SMARCAD1: variants seen among roughly 807,000 people sequenced by gnomAD.
SMARCAD1 encodes SNF2 related chromatin remodeling ATPase with DExD box 1.
A neutral mutation model predicts 127.1 loss-of-function variants in SMARCAD1; 25 were observed. The ratio of observed to expected loss-of-function variants is 0.20; its 90% confidence interval spans 0.14 to 0.27. The LOEUF is 0.27. SMARCAD1 is among the 10% of genes least tolerant of loss of function. The probability of loss-of-function intolerance (pLI) is 1.00; values close to 1 mark genes in which losing one functional copy is unlikely to be tolerated. For synonymous variants in SMARCAD1, 400 were observed against 396.9 expected (o/e 1.01, Z -0.09); for missense variants, 807 against 1,206.0 (o/e 0.67, Z 4.90).
At chr4:94,284,326 CAAAAAA>C (rs1161926658) in intron 22 of SMARCAD1, among the ~76,000 whole-genome samples, 4 of 25,922 alleles carry the variant, frequency 1.5e-4, no homozygotes, top group African/African-American at 2.2e-4. Context: ...GACTCCGTCT[CAAAAAA>C]AAAAAAAAAA....
At chr4:94,262,413 C>T (rs1751129950) in intron 9 of SMARCAD1, among the ~76,000 whole-genome samples, 1 of 152,178 alleles carries the variant, frequency 6.6e-6, no homozygotes, top group Non-Finnish European at 1.5e-5. Context: ...ATCAGTTTCT[C>T]CGTGTCCAAC....
intron 9 of SMARCAD1, among the ~76,000 whole-genome samples, chr4:94,255,379 G>T (rs997022076): frequency 5.3e-5 from 8 of 151,856 alleles, no homozygotes; most frequent in Non-Finnish European, 7.4e-5. Flanking sequence ...TAAAAGTGAG[G>T]TTTCTTTAAC....
chr4:94,242,028 T>C (rs1747659534), intron 6 of SMARCAD1, among the ~76,000 whole-genome samples: 1 of 151,252 alleles, frequency 6.6e-6, no homozygotes, highest in Non-Finnish European at 1.5e-5. Context: ...GGATAACTTC[T>C]TTTTTTTTGT....
chr4:94,256,312 C>T (rs1258222922), intron 9 of SMARCAD1, among the ~76,000 whole-genome samples: 1 of 151,872 alleles, frequency 6.6e-6, no homozygotes, highest in Admixed American at 6.6e-5. Flanking sequence ...ACACTGTGCT[C>T]CTCATTATGT....
At chr4:94,274,403 G>A (rs971192011) in intron 12 of SMARCAD1, among the ~76,000 whole-genome samples, 7 of 152,012 alleles carry the variant, frequency 4.6e-5, no homozygotes, top group South Asian at 4.1e-4. Flanking sequence ...TTGGCTCACC[G>A]CAACCTCCGC....
chr4:94,259,539 A>G (rs554702657), intron 9 of SMARCAD1, among the ~76,000 whole-genome samples: 4 of 152,138 alleles, frequency 2.6e-5, no homozygotes, highest in Non-Finnish European at 4.4e-5. Context: ...AAGGGGTCCT[A>G]AGGAGTTGTT....
chr4:94,281,379 A>G (rs766452345), intron 20 of SMARCAD1, 93 bp from the exon 21 acceptor site: 3 of 871,778 alleles, frequency 3.4e-6, no homozygotes, highest in Non-Finnish European at 5.9e-6. Context: ...TATCAACATG[A>G]TATAAGTAAC....
At chr4:94,251,483 C>T (rs1323088918) in intron 8 of SMARCAD1, among the ~76,000 whole-genome samples, 1 of 152,032 alleles carries the variant, frequency 6.6e-6, no homozygotes, top group Non-Finnish European at 1.5e-5. Flanking sequence ...ACTACCAATA[C>T]TGTTGATGGC....
At position 94,264,714 on chromosome 4, in the gene SMARCAD1, A is replaced by G; in HGVS notation, c.1289A>G (p.Lys430Arg). ...TTTCTTTTTATGCTATAGTTCACAAAGATGTCCAAAACTAATGGCTTATCA... is the reference window on the plus strand; with the variant it reads ...TTTCTTTTTATGCTATAGTTCACAAGGATGTCCAAAACTAATGGCTTATCA... ...PFNSWEALFT[K>R]MSKTNGLSED... Residue 430 changes from lysine to arginine, a missense_variant, in exon 10 of 24, where the codon AAG becomes AGG. By Grantham distance (26) the Lys-to-Arg change is conservative. Around this residue, in one of 8 missense-constraint regions of SMARCAD1, gnomAD observed 257 missense variants for 303.4 expected, o/e 0.85. Coordinates refer to ENST00000354268, the MANE Select transcript of SMARCAD1 (RefSeq NM_020159.5). The G allele has an allele frequency of 6.2e-7, 1 of 1,611,434 alleles. No homozygotes were observed. Among genetic ancestry groups the G allele is most frequent in the South Asian group, 1.1e-5 (1 of 90,798 alleles).
At chr4:94,226,068 A>G in intron 2 of SMARCAD1, 51 bp from the exon 3 acceptor site, 1 of 1,424,092 alleles carries the variant, frequency 7.0e-7, no homozygotes, top group Non-Finnish European at 9.9e-7. Flanking sequence ...CTAACAACAG[A>G]TTCGTTTTCC....
chr4:94,212,967 C>A, intron 2 of SMARCAD1: 1 of 793,838 alleles, frequency 1.3e-6, no homozygotes, highest in Admixed American at 2.4e-5. Context: ...TTCTCGGTGC[C>A]CAAAGTTGTC....
rs144769221 is a variant in SMARCAD1, at chr4:94,242,453, A to G, written c.705+1447A>G. Among the ~76,000 whole-genome samples the G allele has an allele frequency of 6.5e-3, 995 of 152,190 alleles. 5 individuals are homozygous for G. The highest frequency in any genetic ancestry group is 0.055 in the Middle Eastern group (16 of 292). ...TCTTTTTAGCCTCTGTTCCTGATAC[A>G]TTGCTGATCTCTACCTCTGGCCATC... On this transcript the variant is annotated intron_variant, in intron 6 of 23. Coordinates refer to ENST00000354268, the MANE Select transcript of SMARCAD1 (RefSeq NM_020159.5).
At chr4:94,270,494 T>G in intron 10 of SMARCAD1, 1 of 444,060 alleles carries the variant, frequency 2.3e-6, no homozygotes, top group Non-Finnish European at 4.1e-6. Context: ...TGACCAAATA[T>G]GGAAATGCTT....
chr4:94,270,709 G>C lies in SMARCAD1; in HGVS notation c.1482-19G>C, dbSNP rs200698265. 3.3e-5 allele frequency: 53 copies of C among 1,597,480 alleles called. 1 individual carries two copies. The East Asian group carries it at 8.5e-4, about 26-fold the overall frequency. ...TAGAAATATAGATGTGTAATATTTGGTAACTCTCTCTTTACCAGTTTGTCA... is the reference window on the plus strand; with the variant it reads ...TAGAAATATAGATGTGTAATATTTGCTAACTCTCTCTTTACCAGTTTGTCA... On this transcript the variant is annotated intron_variant, in intron 10 of 23. Coordinates refer to ENST00000354268, the MANE Select transcript of SMARCAD1 (RefSeq NM_020159.5).
intron 11 of SMARCAD1, among the ~76,000 whole-genome samples, chr4:94,272,862 A>T (rs1186770768): frequency 6.6e-6 from 1 of 151,664 alleles, no homozygotes; most frequent in Non-Finnish European, 1.5e-5. Flanking sequence ...GCTGGAGTGC[A>T]GCGGCGCACT....
At chr4:94,232,383 T>A (rs953562605) in intron 3 of SMARCAD1, among the ~76,000 whole-genome samples, 1 of 152,168 alleles carries the variant, frequency 6.6e-6, no homozygotes, top group Admixed American at 6.5e-5. Context: ...GGGCAGGAAT[T>A]ATAAAAGGAT....
chr4:94,250,893 T>G lies in SMARCAD1; in HGVS notation c.889+60T>G, dbSNP rs1025696146. On this transcript the variant is annotated intron_variant, in intron 8 of 23. Transcript: ENST00000354268. ...TCATTATAGTCTGTATTTTAGTATA[T>G]AAGAAAATGGTATATAAGAAAAGCT... 5 of 1,330,782 alleles carry G rather than the reference T, an allele frequency of 3.8e-6. No homozygotes were observed. In the Admixed American group the frequency reaches 5.2e-5, roughly 14 times the overall value. 82.4% of individuals were successfully genotyped at this position (1,330,782 alleles called of 1,614,324 possible). A position where few individuals can be genotyped will look rare whatever the true frequency, so the allele number is the denominator to read the frequency against.
intron 10 of SMARCAD1, among the ~76,000 whole-genome samples, chr4:94,267,517 C>A (rs936650738): frequency 6.6e-6 from 1 of 152,092 alleles, no homozygotes; most frequent in Non-Finnish European, 1.5e-5. Context: ...TATTTTACGC[C>A]TTTCTCACCT....
At position 94,249,591 on chromosome 4, in the gene SMARCAD1, T is replaced by G. The variant is rs3103118; in HGVS notation, c.706-63T>G. The G allele has an allele frequency of 3.5e-6, 3 of 847,182 alleles. No individual in the cohort carries two copies. The South Asian group carries it at 4.1e-5, about 12-fold the overall frequency. 52.5% of individuals were successfully genotyped at this position (847,182 alleles called of 1,614,324 possible). ...GATCAAGTCAAAATACAATGATAAT[T>G]GCCTTAAGACCATTGTTATTGATAT... On this transcript the variant is annotated intron_variant, in intron 6 of 23. Transcript: ENST00000354268.
Sources: allele counts gnomAD v4.1 joint callset (sites outside exome capture counted in the v4.1 genomes callset), GRCh38; gene constraint gnomAD v4.1.1; regional missense constraint gnomAD v4.1.1; transcripts MANE v1.5; gene names NCBI Gene and HGNC (gene_info 2026-07-23, HGNC 2026-07-21).